TNIK: variants seen among roughly 807,000 people sequenced by gnomAD.
The protein encoded by TNIK is TRAF2 and NCK interacting kinase.
A neutral mutation model predicts 191.3 loss-of-function variants in TNIK; 49 were observed. That is an observed-to-expected ratio of 0.26 (90% CI 0.20 to 0.32). The LOEUF (loss-of-function observed/expected upper bound fraction) is 0.32, where lower values mean the gene tolerates loss of function less well. TNIK is among the 10% of genes least tolerant of loss of function. TNIK has a pLI of 1.00. For synonymous variants in TNIK, 594 were observed against 600.9 expected, an observed-to-expected ratio of 0.99 and a Z score of 0.17; for missense variants, 1,155 against 1,702.3, an observed-to-expected ratio of 0.68 and a Z score of 5.66.
intron 28 of TNIK, among the ~76,000 whole-genome samples, chr3:171,073,723 C>T (rs1719521607): frequency 3.3e-5 from 5 of 151,810 alleles, no homozygotes; most frequent in Admixed American, 3.3e-4. Context: ...CAAAAGAGGA[C>T]ATATAAGCAG....
At chr3:171,327,957 A>G (rs1755993100) in intron 2 of TNIK, among the ~76,000 whole-genome samples, 1 of 150,450 alleles carries the variant, frequency 6.6e-6, no homozygotes, top group African/African-American at 2.4e-5. Flanking sequence ...AAGAACCCTG[A>G]ACCCTATTTC....
chr3:171,280,651 T>TAA (rs5854412), intron 2 of TNIK, among the ~76,000 whole-genome samples: 2 of 144,164 alleles, frequency 1.4e-5, no homozygotes, highest in African/African-American at 5.1e-5. Context: ...GTCTCTAAAT[T>TAA]AAAAAAAAAA....
At chr3:171,386,580 A>AT (rs971058055) in intron 1 of TNIK, among the ~76,000 whole-genome samples, 8 of 152,178 alleles carry the variant, frequency 5.3e-5, no homozygotes, top group African/African-American at 1.9e-4. Context: ...TATACCATTT[A>AT]TAGCCCTAAT....
chr3:171,396,395 C>A (rs1349128986), intron 1 of TNIK, among the ~76,000 whole-genome samples: 1 of 152,162 alleles, frequency 6.6e-6, no homozygotes, highest in East Asian at 1.9e-4. Flanking sequence ...TAGGCTATTA[C>A]AAATAACGCT....
At chr3:171,108,300 A>G in intron 19 of TNIK, 138 bp from the exon 20 acceptor site, 2 of 605,200 alleles carry the variant, frequency 3.3e-6, no homozygotes, top group Admixed American at 3.5e-5. Context: ...CAAATCCTCA[A>G]GAAACATCCA....
intron 4 of TNIK, among the ~76,000 whole-genome samples, chr3:171,210,851 G>GAAAAAAAAAAAAA: frequency 7.6e-6 from 1 of 131,428 alleles, no homozygotes; most frequent in Non-Finnish European, 1.6e-5. Flanking sequence ...GTCAATTAGT[G>GAAAAAAAAAAAAA]AAAAAAAAAA....
At chr3:171,436,687 C>T (rs1400105490) in intron 1 of TNIK, among the ~76,000 whole-genome samples, 2 of 152,182 alleles carry the variant, frequency 1.3e-5, no homozygotes, top group African/African-American at 4.8e-5. Flanking sequence ...CTTTTATACA[C>T]GTTACTCTCT....
intron 2 of TNIK, among the ~76,000 whole-genome samples, chr3:171,310,111 C>A (rs1753857833): frequency 6.6e-6 from 1 of 151,728 alleles, no homozygotes; most frequent in African/African-American, 2.4e-5. Flanking sequence ...TTATAACATA[C>A]CTACTTTTTT....
In TNIK at chr3:171,084,300, C is replaced by T. The variant is rs1721066284; in HGVS notation, c.3024G>A (p.Arg1008=). The T allele has an allele frequency of 1.9e-6, 3 of 1,613,134 alleles. No homozygotes were observed. In the East Asian group the frequency reaches 6.7e-5, roughly 36 times the overall value. ...CTTCATTGAGTTTGGCCTGTTCTTG[C>T]CTAAGAAGTTCGCTAGTAAACAGAG... ...AAALFTSELL[R]QEQAKLNEAR... Residue 1008 remains arginine, a synonymous_variant, in exon 26 of 33, where the codon AGG becomes AGA. Transcript: ENST00000436636.
At chr3:171,205,610 C>G (rs1238082979) in intron 4 of TNIK, among the ~76,000 whole-genome samples, 2 of 152,184 alleles carry the variant, frequency 1.3e-5, no homozygotes, top group African/African-American at 4.8e-5. Flanking sequence ...CTTACTAAAA[C>G]AGTTTCCTAA....
At chr3:171,275,986 G>T (rs949225503) in intron 2 of TNIK, among the ~76,000 whole-genome samples, 1 of 151,874 alleles carries the variant, frequency 6.6e-6, no homozygotes, top group East Asian at 1.9e-4. Context: ...GAATTAGAAT[G>T]GTATTAGACT....
At chr3:171,266,942 A>G (rs1433246548) in intron 2 of TNIK, among the ~76,000 whole-genome samples, 1 of 152,094 alleles carries the variant, frequency 6.6e-6, no homozygotes, top group Non-Finnish European at 1.5e-5. Context: ...AAAACATTTC[A>G]CTCTCAGATT....
intron 10 of TNIK, among the ~76,000 whole-genome samples, chr3:171,162,968 T>C (rs929258278): frequency 1.3e-5 from 2 of 152,106 alleles, no homozygotes; most frequent in African/African-American, 2.4e-5. Context: ...AGACTTGAAG[T>C]CTTTGGAGAA....
chr3:171,349,630 C>A (rs779149244), intron 2 of TNIK, among the ~76,000 whole-genome samples: 14 of 152,148 alleles, frequency 9.2e-5, no homozygotes, highest in Non-Finnish European at 1.8e-4. Flanking sequence ...CCCAAAACTG[C>A]CTGTCTAGGG....
At chr3:171,288,142 G>GGAATA (rs1353131933) in intron 2 of TNIK, among the ~76,000 whole-genome samples, 1 of 132,114 alleles carries the variant, frequency 7.6e-6, no homozygotes, top group Non-Finnish European at 1.6e-5. Context: ...CACAGGAAGG[G>GGAATA]GAATATCACA....
chr3:171,230,236 T>C (rs1413419517), intron 2 of TNIK, among the ~76,000 whole-genome samples: 1 of 152,226 alleles, frequency 6.6e-6, no homozygotes, highest in African/African-American at 2.4e-5. Context: ...CAGCGTCCTC[T>C]TTTGAGTCTG....
In TNIK at chr3:171,059,315, G is replaced by C. The variant is rs183555620; in HGVS notation, c.*4566C>G. Among the ~76,000 whole-genome samples, 1 of 152,152 alleles carries C rather than the reference G, an allele frequency of 6.6e-6. No individual in the cohort carries two copies. Among genetic ancestry groups the C allele is most frequent in the Admixed American group, 6.5e-5 (1 of 15,274 alleles). On this transcript the variant is annotated 3_prime_UTR_variant, in exon 33 of 33. Coordinates refer to ENST00000436636, the MANE Select transcript of TNIK (RefSeq NM_015028.4). ...TTAAAATAACTCAAACATTACCCAG[G>C]GATTTTTGTTTAAAAATGCTTTTAT...
intron 2 of TNIK, among the ~76,000 whole-genome samples, chr3:171,314,111 A>G (rs1407264594): frequency 6.6e-6 from 1 of 152,202 alleles, no homozygotes. Context: ...AAAGTAAAAT[A>G]ACATAAGCAA....
chr3:171,339,123 A>T (rs1051399826), intron 2 of TNIK, among the ~76,000 whole-genome samples: 1 of 152,156 alleles, frequency 6.6e-6, no homozygotes, highest in African/African-American at 2.4e-5. Context: ...TGTTTTCTCC[A>T]TTTCACTCAT....
Sources: gnomAD v4.1 joint callset for allele counts (sites outside exome capture counted in the v4.1 genomes callset) on GRCh38, gnomAD v4.1.1 for gene constraint, MANE v1.5 for transcripts, NCBI Gene and HGNC (gene_info 2026-07-23, HGNC 2026-07-21) for gene names.